Variants in XKR4 observed in about 807,000 individuals in gnomAD.
XKR4 encodes XK related 4.
Under a neutral mutation model 53.9 loss-of-function variants are expected in XKR4, and 12 were observed. The observed-to-expected ratio is 0.22, with a 90% CI of 0.14 to 0.36. XKR4 has a LOEUF of 0.36. XKR4 is among the 10% of genes least tolerant of loss of function. XKR4 has a pLI of 1.00. For synonymous variants in XKR4, 354 were observed against 362.4 expected (o/e 0.98, Z 0.26); for missense variants, 799 against 859.5 (o/e 0.93, Z 0.88).
At chr8:55,408,054 G>A (rs944661642) in intron 2 of XKR4, among the ~76,000 whole-genome samples, 20 of 152,152 alleles carry the variant, frequency 1.3e-4, no homozygotes, top group African/African-American at 3.9e-4. Flanking sequence ...CAGGTGGAGC[G>A]ACATCCCAGT....
At chr8:55,341,897 A>C (rs781572272) in intron 1 of XKR4, among the ~76,000 whole-genome samples, 43 of 152,158 alleles carry the variant, frequency 2.8e-4, no homozygotes, top group Admixed American at 2.0e-3. Flanking sequence ...AAGGATGCAC[A>C]GGAAGACATT....
intron 1 of XKR4, among the ~76,000 whole-genome samples, chr8:55,330,138 G>A (rs988033721): frequency 7.9e-5 from 12 of 152,102 alleles, no homozygotes; most frequent in Admixed American, 2.6e-4. Flanking sequence ...AGACATTACT[G>A]GTGATTTTTA....
chr8:55,227,988 C>T (rs1817980099), intron 1 of XKR4, among the ~76,000 whole-genome samples: 1 of 152,188 alleles, frequency 6.6e-6, no homozygotes, highest in South Asian at 2.1e-4. Context: ...CTCACTGCAG[C>T]CTCTGCCTCC....
At chr8:55,335,294 G>T (rs2129381269) in intron 1 of XKR4, among the ~76,000 whole-genome samples, 1 of 152,170 alleles carries the variant, frequency 6.6e-6, no homozygotes, top group South Asian at 2.1e-4. Context: ...TTCACAAAAT[G>T]ACTTATTATA....
At chr8:55,483,916 A>T (rs1294094774) in intron 2 of XKR4, among the ~76,000 whole-genome samples, 2 of 152,204 alleles carry the variant, frequency 1.3e-5, no homozygotes, top group African/African-American at 4.8e-5. Context: ...GGTTCTTTGA[A>T]AAGATCAATA....
chr8:55,490,834 TTTG>T lies in XKR4; in HGVS notation c.1007-32444_1007-32442del, dbSNP rs541211371. Among the ~76,000 whole-genome samples the T allele has an allele frequency of 5.9e-5, 9 of 152,186 alleles. No individual in the cohort carries two copies. The South Asian group carries it at 6.2e-4, about 11-fold the overall frequency. On this transcript the variant is annotated intron_variant, in intron 2 of 2. Transcript: ENST00000327381. The stretch of plus-strand genomic sequence containing the variant: ...TGTGTGCGCACGCGCATGCTTGTGG[TTTG>T]TTTTTTCTGCTTGTGGTTTGTTGAG...
rs1461133783 is a variant in XKR4, at chr8:55,524,359, C to T, written c.*132C>T. 2.0e-5 allele frequency: 18 copies of T among 904,986 alleles called. No individual in the cohort carries two copies. Among genetic ancestry groups the T allele is most frequent in the Non-Finnish European group, 2.9e-5 (18 of 611,036 alleles). 56.1% of individuals were successfully genotyped at this position (904,986 alleles called of 1,614,324 possible). ...CTAGTGGGACCGTCATCACCATTATCATTTGATCCTGTCGGCTGGGGGCGG... is the reference window on the plus strand; with the variant it reads ...CTAGTGGGACCGTCATCACCATTATTATTTGATCCTGTCGGCTGGGGGCGG... On this transcript the variant is annotated 3_prime_UTR_variant, in exon 3 of 3. Transcript: ENST00000327381.
intron 1 of XKR4, among the ~76,000 whole-genome samples, chr8:55,346,593 T>C (rs1232510260): frequency 6.6e-6 from 1 of 152,154 alleles, no homozygotes; most frequent in African/African-American, 2.4e-5. Flanking sequence ...AAGGTGGTGT[T>C]GTGAGTGTCC....
intron 1 of XKR4, among the ~76,000 whole-genome samples, chr8:55,118,197 G>A (rs898611214): frequency 7.2e-5 from 11 of 152,188 alleles, no homozygotes; most frequent in African/African-American, 2.7e-4. Flanking sequence ...TCTAAAATGT[G>A]TCAAATTCAT....
At chr8:55,205,237 T>C (rs1221819323) in intron 1 of XKR4, among the ~76,000 whole-genome samples, 1 of 152,256 alleles carries the variant, frequency 6.6e-6, no homozygotes, top group African/African-American at 2.4e-5. Context: ...CTTGCCTAGC[T>C]GATCATGTTT....
chr8:55,136,979 C>T (rs1816639526), intron 1 of XKR4, among the ~76,000 whole-genome samples: 1 of 152,186 alleles, frequency 6.6e-6, no homozygotes, highest in Non-Finnish European at 1.5e-5. Flanking sequence ...GAATAAGTGC[C>T]TGTTATCTCT....
intron 2 of XKR4, among the ~76,000 whole-genome samples, chr8:55,511,856 T>C (rs571203869): frequency 6.6e-6 from 1 of 152,338 alleles, no homozygotes; most frequent in Admixed American, 6.5e-5. Context: ...GTACCTTTTA[T>C]TGTATTCTTT....
intron 2 of XKR4, among the ~76,000 whole-genome samples, chr8:55,377,977 C>G (rs773216125): frequency 6.6e-6 from 1 of 152,136 alleles, no homozygotes; most frequent in Non-Finnish European, 1.5e-5. Context: ...ATTCGATGCT[C>G]GAGGCAACCT....
chr8:55,447,572 A>G (rs1341593258), intron 2 of XKR4, among the ~76,000 whole-genome samples: 1 of 152,216 alleles, frequency 6.6e-6, no homozygotes, highest in Non-Finnish European at 1.5e-5. Flanking sequence ...ATCTACTATT[A>G]TCATTATTCT....
intron 1 of XKR4, among the ~76,000 whole-genome samples, chr8:55,183,180 T>C (rs1321205581): frequency 6.6e-6 from 1 of 151,850 alleles, no homozygotes; most frequent in Non-Finnish European, 1.5e-5. Flanking sequence ...TTTAGCTTCA[T>C]AGATTTAAAA....
intron 1 of XKR4, among the ~76,000 whole-genome samples, chr8:55,210,176 C>A (rs1273734908): frequency 1.3e-5 from 2 of 151,528 alleles, no homozygotes; most frequent in African/African-American, 4.9e-5. Context: ...CCTCCGCCTA[C>A]TGGGTTCAAA....
intron 2 of XKR4, among the ~76,000 whole-genome samples, chr8:55,397,658 A>G (rs1184998983): frequency 6.6e-6 from 1 of 151,634 alleles, no homozygotes; most frequent in Non-Finnish European, 1.5e-5. Context: ...GGGTGCACAC[A>G]CAGGAATGCA....
intron 2 of XKR4, among the ~76,000 whole-genome samples, chr8:55,367,454 A>G (rs1366046996): frequency 3.3e-5 from 5 of 152,222 alleles, no homozygotes; most frequent in Non-Finnish European, 5.9e-5. Context: ...TGTCTTTAAT[A>G]CATGTGCACA....
At chr8:55,148,100 C>T (rs531216436) in intron 1 of XKR4, among the ~76,000 whole-genome samples, 6 of 152,222 alleles carry the variant, frequency 3.9e-5, no homozygotes, top group East Asian at 1.9e-4. Context: ...GCATGAACAC[C>T]GAGTGCTCAA....
Sources: gnomAD v4.1 joint callset for allele counts (sites outside exome capture counted in the v4.1 genomes callset) on GRCh38, gnomAD v4.1.1 for gene constraint, MANE v1.5 for transcripts, NCBI Gene and HGNC (gene_info 2026-07-23, HGNC 2026-07-21) for gene names.